Variants in RPH3A observed in about 807,000 individuals in gnomAD.
The protein encoded by RPH3A is rabphilin-3A.
Under a neutral mutation model 102.2 loss-of-function variants are expected in RPH3A, and 48 were observed. The ratio of observed to expected loss-of-function variants is 0.47; its 90% CI spans 0.37 to 0.60. The LOEUF is 0.60. Among genes scored for constraint, RPH3A ranks in the 20% least tolerant of loss-of-function variants. The pLI is 0.00. For synonymous variants in RPH3A, 310 were observed against 324.3 expected (o/e 0.96, Z 0.47); for missense variants, 781 against 910.1 (o/e 0.86, Z 1.83).
intron 20 of RPH3A, 178 bp from the exon 21 acceptor site, chr12:112,895,599 G>C (rs1325966765): frequency 2.6e-5 from 15 of 567,206 alleles, no homozygotes; most frequent in Non-Finnish European, 3.8e-5. Context: ...CAGAGTGTTT[G>C]TTGGAAGGGG....
At chr12:112,862,030 AAAAAG>A (rs1189948306) in intron 5 of RPH3A, among the ~76,000 whole-genome samples, 2 of 151,786 alleles carry the variant, frequency 1.3e-5, no homozygotes, top group Non-Finnish European at 2.9e-5. Context: ...AAAAAAAAAA[AAAAAG>A]GATATCCCTG....
chr12:112,788,629 G>C (rs1044565862), upstream of RPH3A, among the ~76,000 whole-genome samples: 1 of 152,214 alleles, frequency 6.6e-6, no homozygotes, highest in Non-Finnish European at 1.5e-5. Flanking sequence ...AGTACAATGC[G>C]TGACACATGG....
At chr12:112,880,009 C>T (rs1382953165) in intron 14 of RPH3A, among the ~76,000 whole-genome samples, 1 of 152,166 alleles carries the variant, frequency 6.6e-6, no homozygotes, top group Non-Finnish European at 1.5e-5. Flanking sequence ...AGGACAGTCC[C>T]CTTCTATGCC....
intron 2 of RPH3A, among the ~76,000 whole-genome samples, chr12:112,801,242 G>A (rs552620291): frequency 1.7e-4 from 26 of 152,312 alleles, no homozygotes; most frequent in Admixed American, 6.5e-4. Context: ...AGAACCAGCC[G>A]GACTGGGCTT....
intron 1 of RPH3A, among the ~76,000 whole-genome samples, chr12:112,735,385 G>A (rs991818068): frequency 6.6e-6 from 1 of 152,158 alleles, no homozygotes; most frequent in East Asian, 1.9e-4. Flanking sequence ...ACTTAATTTT[G>A]AGTGTGTGAG....
intron 1 of RPH3A, among the ~76,000 whole-genome samples, chr12:112,778,888 G>A (rs4238032): frequency 0.8 from 122,171 of 152,100 alleles, 49,252 homozygotes; most frequent in East Asian, 0.88. Context: ...TGAGATAGAT[G>A]AATTAATTAG....
In RPH3A at chr12:112,828,436, G is replaced by A. The variant is rs111887766; in HGVS notation, c.71+47G>A. On this transcript the variant is annotated intron_variant, in intron 3 of 21. Transcript: ENST00000389385. ...GGAGTGGCTTGTTTTGAGTCGATGA[G>A]GTTTTGACAATTCTACACTTGAAAA... The A allele has an allele frequency of 8.3e-5, 116 of 1,396,822 alleles. No individual in the cohort carries two copies. In the African/African-American group the frequency reaches 1.5e-3, roughly 18 times the overall value. The allele number at this position is 1,396,822 out of a possible 1,614,324, so 86.5% of individuals were successfully genotyped here.
chr12:112,834,722 T>G (rs1355999042), intron 3 of RPH3A, among the ~76,000 whole-genome samples: 1 of 152,200 alleles, frequency 6.6e-6, no homozygotes, highest in Non-Finnish European at 1.5e-5. Flanking sequence ...AATATAAAAT[T>G]TTTTCATTCG....
intron 1 of RPH3A, among the ~76,000 whole-genome samples, chr12:112,721,995 A>T (rs2040554930): frequency 6.6e-6 from 1 of 152,224 alleles, no homozygotes; most frequent in South Asian, 2.1e-4. Context: ...TTTTGAGATA[A>T]ATCTGTCTGC....
chr12:112,840,720 G>T (rs574053631), intron 4 of RPH3A, among the ~76,000 whole-genome samples: 1 of 152,216 alleles, frequency 6.6e-6, no homozygotes, highest in East Asian at 1.9e-4. Flanking sequence ...AGGCGTGTAG[G>T]TTCTACAGTG....
At chr12:112,758,766 A>G (rs2040836352) in intron 1 of RPH3A, among the ~76,000 whole-genome samples, 1 of 152,210 alleles carries the variant, frequency 6.6e-6, no homozygotes, top group Non-Finnish European at 1.5e-5. Context: ...ACTTGAAAAA[A>G]TGCCTTAACA....
chr12:112,721,667 C>A (rs2040551788), intron 1 of RPH3A, among the ~76,000 whole-genome samples: 1 of 147,826 alleles, frequency 6.8e-6, no homozygotes, highest in Non-Finnish European at 1.5e-5. Context: ...TGGTGATCTA[C>A]CTTCCTTAGA....
chr12:112,839,027 A>G (rs746239806), intron 4 of RPH3A, among the ~76,000 whole-genome samples: 1 of 152,112 alleles, frequency 6.6e-6, no homozygotes, highest in Non-Finnish European at 1.5e-5. Flanking sequence ...CTCTCCAGTC[A>G]TGATTCTTGG....
At chr12:112,770,927 A>G (rs2136072313) in intron 1 of RPH3A, among the ~76,000 whole-genome samples, 1 of 152,308 alleles carries the variant, frequency 6.6e-6, no homozygotes, top group South Asian at 2.1e-4. Flanking sequence ...TATTTTGATT[A>G]TTTTGATTTC....
chr12:112,585,523 T>G (rs551578637), intron 1 of RPH3A, among the ~76,000 whole-genome samples: 120 of 152,180 alleles, frequency 7.9e-4, no homozygotes, highest in African/African-American at 2.9e-3. Context: ...TCACTTGAGG[T>G]CAGGAGTTCG....
chr12:112,891,515 A>G (rs1472013890), intron 19 of RPH3A, among the ~76,000 whole-genome samples: 3 of 152,250 alleles, frequency 2.0e-5, no homozygotes, highest in Non-Finnish European at 4.4e-5. Flanking sequence ...AATAGGATTA[A>G]GCAGACAAGG....
chr12:112,784,052 A>T (rs1309099069), intron 1 of RPH3A, among the ~76,000 whole-genome samples: 1 of 152,086 alleles, frequency 6.6e-6, no homozygotes, highest in Non-Finnish European at 1.5e-5. Context: ...ATCTCCAATC[A>T]CACTGCCTGG....
Position 112,896,817 on chromosome 12 carries a change from C to G in RPH3A, c.*37C>G. On this transcript the variant is annotated 3_prime_UTR_variant, in exon 22 of 22. Transcript: ENST00000389385. The stretch of plus-strand genomic sequence containing the variant: ...GGTCCCCATCTCCATGTCCCGGGTC[C>G]CCCCCAGCCTGCTCTAGCTGCCCAC... 1 of 1,611,350 alleles carries G rather than the reference C, an allele frequency of 6.2e-7. No homozygotes were observed. Among genetic ancestry groups the G allele is most frequent in the South Asian group, 1.1e-5 (1 of 90,924 alleles).
chr12:112,894,481 C>T (rs1049130290), intron 19 of RPH3A, 97 bp from the exon 20 acceptor site: 7 of 1,025,782 alleles, frequency 6.8e-6, no homozygotes, highest in Non-Finnish European at 1.0e-5. Flanking sequence ...CTGATTTATT[C>T]ATCAATTCAC....
Sources: allele counts gnomAD v4.1 joint callset (sites outside exome capture counted in the v4.1 genomes callset), GRCh38; gene constraint gnomAD v4.1.1; transcripts MANE v1.5; gene names NCBI Gene and HGNC (gene_info 2026-07-23, HGNC 2026-07-21).